Variants in TAFA1 observed in about 807,000 individuals in gnomAD.
TAFA1 encodes the protein chemokine-like protein TAFA-1.
A neutral mutation model predicts 18.5 loss-of-function variants in TAFA1; 4 were observed. The observed-to-expected ratio is 0.22, with a 90% CI of 0.11 to 0.49. The LOEUF is 0.49. Ranked by LOEUF, TAFA1 falls within the 20% of genes least tolerant of loss-of-function variation. The probability of loss-of-function intolerance (pLI) is 0.98; values close to 1 mark genes in which losing one functional copy is unlikely to be tolerated. For missense variants in TAFA1, 147 were observed against 169.0 expected, an observed-to-expected ratio of 0.87 and a Z score of 0.72; for synonymous variants, 56 against 55.2, an observed-to-expected ratio of 1.01 and a Z score of -0.06.
chr3:68,082,303 G>C (rs927431451), intron 2 of TAFA1, among the ~76,000 whole-genome samples: 2 of 152,194 alleles, frequency 1.3e-5, no homozygotes, highest in African/African-American at 2.4e-5. Flanking sequence ...GCTGTAGACC[G>C]GAGCTGTTCC....
intron 2 of TAFA1, among the ~76,000 whole-genome samples, chr3:68,231,572 G>A (rs558901223): frequency 6.6e-6 from 1 of 151,112 alleles, no homozygotes; most frequent in Non-Finnish European, 1.5e-5. Flanking sequence ...TTGTTAGCCA[G>A]GATGGTCTCG....
intron 2 of TAFA1, among the ~76,000 whole-genome samples, chr3:68,108,984 C>G (rs2065234896): frequency 6.6e-6 from 1 of 151,542 alleles, no homozygotes; most frequent in South Asian, 2.1e-4. Flanking sequence ...GCTAATTTAT[C>G]ATTAACTTCT....
At chr3:68,163,863 C>T (rs1199921584) in intron 2 of TAFA1, among the ~76,000 whole-genome samples, 2 of 152,156 alleles carry the variant, frequency 1.3e-5, no homozygotes, top group African/African-American at 2.4e-5. Flanking sequence ...CAAACTCTGC[C>T]AGGGAACTTG....
chr3:68,025,298 C>T (rs1303975110), intron 2 of TAFA1, among the ~76,000 whole-genome samples: 4 of 152,084 alleles, frequency 2.6e-5, no homozygotes, highest in African/African-American at 9.7e-5. Context: ...ATTCAGACTC[C>T]AACCACTTCC....
chr3:68,517,440 C>A lies in TAFA1; in HGVS notation c.260-21316C>A, dbSNP rs115876904. On this transcript the variant is annotated intron_variant, in intron 3 of 4. Transcript: ENST00000478136. ...TCATGGCCTTATGTAGTGCCTTTCACCCTGGCTGCTTGTTTATAAACCAAG... is the reference window on the plus strand; with the variant it reads ...TCATGGCCTTATGTAGTGCCTTTCAACCTGGCTGCTTGTTTATAAACCAAG... Among the ~76,000 whole-genome samples the A allele has an allele frequency of 6.5e-3, 995 of 152,254 alleles. 13 individuals carry two copies. The highest frequency in any genetic ancestry group is 0.023 in the African/African-American group (951 of 41,522).
chr3:68,447,898 T>C (rs1009188766), intron 3 of TAFA1, among the ~76,000 whole-genome samples: 1 of 152,220 alleles, frequency 6.6e-6, no homozygotes, highest in African/African-American at 2.4e-5. Flanking sequence ...CAGATATGGA[T>C]CTAAACACTT....
At chr3:68,136,109 C>T (rs2065603591) in intron 2 of TAFA1, among the ~76,000 whole-genome samples, 1 of 152,092 alleles carries the variant, frequency 6.6e-6, no homozygotes, top group Non-Finnish European at 1.5e-5. Context: ...CAGTCAATTA[C>T]CAGTCAAAAT....
At chr3:68,504,283 C>G (rs905401134) in intron 3 of TAFA1, among the ~76,000 whole-genome samples, 2 of 152,128 alleles carry the variant, frequency 1.3e-5, no homozygotes, top group Non-Finnish European at 2.9e-5. Flanking sequence ...GCTTGCTAGA[C>G]CTTTGTGTTG....
intron 2 of TAFA1, among the ~76,000 whole-genome samples, chr3:68,216,521 A>G (rs1002594642): frequency 6.6e-6 from 1 of 152,128 alleles, no homozygotes; most frequent in Admixed American, 6.6e-5. Flanking sequence ...ATAAAGTTGT[A>G]TTCCACAAAA....
chr3:68,069,982 G>A (rs186796089), intron 2 of TAFA1, among the ~76,000 whole-genome samples: 15 of 152,318 alleles, frequency 9.8e-5, no homozygotes, highest in Admixed American at 2.0e-4. Flanking sequence ...GGCATTGAGT[G>A]TCTATGGCTT....
intron 2 of TAFA1, among the ~76,000 whole-genome samples, chr3:68,159,260 T>G (rs1310444802): frequency 2.6e-5 from 4 of 152,150 alleles, no homozygotes; most frequent in Non-Finnish European, 5.9e-5. Context: ...ATCGCCTGAT[T>G]AGCAGTGAAA....
intron 2 of TAFA1, among the ~76,000 whole-genome samples, chr3:68,373,380 T>C (rs1045394396): frequency 2.0e-5 from 3 of 152,216 alleles, no homozygotes; most frequent in African/African-American, 7.2e-5. Flanking sequence ...ACATGACTAG[T>C]AAGTGGCAAA....
intron 2 of TAFA1, among the ~76,000 whole-genome samples, chr3:68,240,855 C>A (rs1176066258): frequency 1.3e-5 from 2 of 152,190 alleles, no homozygotes; most frequent in African/African-American, 2.4e-5. Flanking sequence ...CTCCTTTTAT[C>A]AGTCTAGGCT....
At chr3:68,347,034 G>A (rs2069174715) in intron 2 of TAFA1, among the ~76,000 whole-genome samples, 1 of 150,726 alleles carries the variant, frequency 6.6e-6, no homozygotes, top group Non-Finnish European at 1.5e-5. Context: ...TCTCCACTGT[G>A]ATCCCACATG....
intron 2 of TAFA1, among the ~76,000 whole-genome samples, chr3:68,172,729 C>T (rs977634551): frequency 3.3e-5 from 5 of 151,736 alleles, no homozygotes; most frequent in Admixed American, 6.6e-5. Flanking sequence ...CACAAATAAG[C>T]GTTGGAAACT....
At chr3:68,439,969 C>A (rs552640330) in intron 3 of TAFA1, among the ~76,000 whole-genome samples, 8 of 152,106 alleles carry the variant, frequency 5.3e-5, no homozygotes, top group Non-Finnish European at 8.8e-5. Context: ...CACCAATCCC[C>A]AACTCAAATG....
intron 3 of TAFA1, among the ~76,000 whole-genome samples, chr3:68,421,742 C>T (rs1462281392): frequency 6.6e-6 from 1 of 151,962 alleles, no homozygotes; most frequent in Non-Finnish European, 1.5e-5. Context: ...GTTTTTTGCA[C>T]AATGTCTGAC....
intron 3 of TAFA1, among the ~76,000 whole-genome samples, chr3:68,456,640 T>C (rs1046690797): frequency 6.6e-6 from 1 of 152,190 alleles, no homozygotes; most frequent in Admixed American, 6.6e-5. Flanking sequence ...TCAAATCACA[T>C]TGGAGTCTAT....
rs373823363 is a variant in TAFA1 at position 68,087,204 on chromosome 3, C to T, written c.118+80460C>T. Among the ~76,000 whole-genome samples, 7 of 152,228 alleles carry T rather than the reference C, an allele frequency of 4.6e-5. No individual in the cohort carries two copies. In the East Asian group the frequency reaches 1.4e-3, roughly 29 times the overall value. On this transcript the variant is annotated intron_variant, in intron 2 of 4. Coordinates refer to ENST00000478136, the MANE Select transcript of TAFA1 (RefSeq NM_213609.4). Reference sequence around the variant, plus strand: ...ATAAAGCTCTCATACTCAGCTACTTCAGTAGAAATCCTTTTGAGACAATAG... The same window carrying T: ...ATAAAGCTCTCATACTCAGCTACTTTAGTAGAAATCCTTTTGAGACAATAG...
Sources: gnomAD v4.1 joint callset for allele counts (sites outside exome capture counted in the v4.1 genomes callset) on GRCh38, gnomAD v4.1.1 for gene constraint, MANE v1.5 for transcripts, NCBI Gene and HGNC (gene_info 2026-07-23, HGNC 2026-07-21) for gene names.